Variants in KCNMA1 observed in about 807,000 individuals in gnomAD.
KCNMA1 encodes potassium calcium-activated channel subfamily M alpha 1, also known as Calcium-activated potassium channel subunit alpha-1.
In KCNMA1, 29 loss-of-function variants were observed where a neutral mutation model predicts 140.0. The observed-to-expected ratio is 0.21, with a 90% confidence interval of 0.15 to 0.28. The LOEUF (loss-of-function observed/expected upper bound fraction) is 0.28, where lower values mean the gene tolerates loss of function less well. Among genes scored for constraint, KCNMA1 ranks in the 10% least tolerant of loss-of-function variants. KCNMA1 has a pLI of 1.00. For synonymous variants in KCNMA1, 612 were observed against 611.9 expected (o/e 1.00, Z 0.00); for missense variants, 880 against 1,602.2 (o/e 0.55, Z 7.70).
chr10:77,078,673 G>A (rs921309939), intron 13 of KCNMA1, among the ~76,000 whole-genome samples: 1 of 152,184 alleles, frequency 6.6e-6, no homozygotes, highest in Admixed American at 6.5e-5. Context: ...TCACTTGCCT[G>A]GAGCATTCTA....
intron 14 of KCNMA1, among the ~76,000 whole-genome samples, chr10:77,049,170 C>G (rs1040183598): frequency 2.6e-5 from 4 of 152,196 alleles, no homozygotes; most frequent in Non-Finnish European, 5.9e-5. Context: ...CCTGAAATCT[C>G]TGTTTCCCTT....
At chr10:77,637,178 G>T in intron 1 of KCNMA1, 87 bp downstream of exon 1, 1 of 1,322,346 alleles carries the variant, frequency 7.6e-7, no homozygotes, top group Non-Finnish European at 1.0e-6. Context: ...GAGGCACGGC[G>T]CGGCGCGGAG....
At chr10:77,385,645 A>C (rs1175818408) in intron 2 of KCNMA1, among the ~76,000 whole-genome samples, 1 of 152,216 alleles carries the variant, frequency 6.6e-6, no homozygotes, top group Non-Finnish European at 1.5e-5. Context: ...ATGGATTCAG[A>C]GGAGGAAACA....
rs143535219 is a variant in KCNMA1 at position 77,180,698 on chromosome 10, A to G, written c.808+2723T>C. Among the ~76,000 whole-genome samples the G allele has an allele frequency of 1.7e-3, 254 of 152,256 alleles. No homozygotes were observed. In the Middle Eastern group the frequency reaches 0.02, roughly 12 times the overall value. ...ATTTCTTCACTGTTGTTTCCCAATC[A>G]TCTGGAATGGTACCTGACATATAGT... On this transcript the variant is annotated intron_variant, in intron 5 of 27. Transcript: ENST00000286628.
At chr10:77,172,257 G>A (rs2098714626) in intron 5 of KCNMA1, among the ~76,000 whole-genome samples, 1 of 152,176 alleles carries the variant, frequency 6.6e-6, no homozygotes, top group African/African-American at 2.4e-5. Context: ...ATGAAGTACA[G>A]CCATCTGGAG....
At chr10:76,921,197 G>A (rs2055626558) in intron 23 of KCNMA1, among the ~76,000 whole-genome samples, 1 of 152,168 alleles carries the variant, frequency 6.6e-6, no homozygotes, top group African/African-American at 2.4e-5. Context: ...AAATCCATAT[G>A]CTACGTTAAA....
At chr10:77,344,293 CA>C (rs767719643) in intron 2 of KCNMA1, among the ~76,000 whole-genome samples, 1 of 152,156 alleles carries the variant, frequency 6.6e-6, no homozygotes, top group East Asian at 1.9e-4. Flanking sequence ...CATCGACAAG[CA>C]GGGAGTTAAT....
chr10:77,554,300 A>G (rs1002018626), intron 1 of KCNMA1, among the ~76,000 whole-genome samples: 2 of 152,158 alleles, frequency 1.3e-5, no homozygotes, highest in African/African-American at 2.4e-5. Flanking sequence ...GAAGAGTCCA[A>G]AGAAATTACT....
At position 76,887,255 on chromosome 10, in the gene KCNMA1, G is replaced by T. The variant is rs754143823; in HGVS notation, c.*11C>A. The stretch of plus-strand genomic sequence containing the variant: ...AGATACAGTTTCACACAGTGGCGGT[G>T]GATACACATATCAAAGCCGCTCTTC... On this transcript the variant is annotated 3_prime_UTR_variant, in exon 28 of 28. Coordinates refer to ENST00000286628, the MANE Select transcript of KCNMA1 (RefSeq NM_001161352.2). 5 of 1,613,968 alleles carry T rather than the reference G, an allele frequency of 3.1e-6. No individual in the cohort carries two copies. The highest frequency in any genetic ancestry group is 4.2e-6 in the Non-Finnish European group (5 of 1,179,980).
At chr10:77,279,586 G>A (rs748936210) in intron 2 of KCNMA1, among the ~76,000 whole-genome samples, 4 of 152,188 alleles carry the variant, frequency 2.6e-5, no homozygotes, top group African/African-American at 7.2e-5. Flanking sequence ...AGGGTGTGAT[G>A]ATTTTAAGAA....
At chr10:77,577,101 T>C (rs1343019030) in intron 1 of KCNMA1, among the ~76,000 whole-genome samples, 2 of 145,488 alleles carry the variant, frequency 1.4e-5, no homozygotes, top group African/African-American at 2.4e-5. Context: ...CACACTCTCT[T>C]TTTTTTTCTT....
intron 2 of KCNMA1, among the ~76,000 whole-genome samples, chr10:77,278,680 A>G (rs568470852): frequency 6.6e-6 from 1 of 152,362 alleles, no homozygotes; most frequent in Non-Finnish European, 1.5e-5. Context: ...ATTAAAGCAA[A>G]GTATATAGGA....
intron 2 of KCNMA1, among the ~76,000 whole-genome samples, chr10:77,368,519 T>C (rs1566321217): frequency 6.6e-6 from 1 of 152,248 alleles, no homozygotes; most frequent in Non-Finnish European, 1.5e-5. Context: ...AATAGTATCT[T>C]TCACAGAATA....
intron 2 of KCNMA1, chr10:77,373,050 T>C (rs114382928): frequency 1.3e-5 from 2 of 152,340 alleles, no homozygotes; most frequent in African/African-American, 4.8e-5. Flanking sequence ...AATACAAATG[T>C]TTTCTGTTCA....
At chr10:77,621,297 C>T (rs1167703868) in intron 1 of KCNMA1, among the ~76,000 whole-genome samples, 1 of 152,158 alleles carries the variant, frequency 6.6e-6, no homozygotes, top group Non-Finnish European at 1.5e-5. Flanking sequence ...TTTAACAGAC[C>T]TGGAATTTGG....
At chr10:76,895,600 T>C (rs2042129579) in intron 25 of KCNMA1, among the ~76,000 whole-genome samples, 1 of 152,172 alleles carries the variant, frequency 6.6e-6, no homozygotes, top group South Asian at 2.1e-4. Flanking sequence ...GAGTATTATT[T>C]GGCCGTAAAA....
At chr10:76,895,291 T>C (rs1260886665) in intron 25 of KCNMA1, among the ~76,000 whole-genome samples, 1 of 152,184 alleles carries the variant, frequency 6.6e-6, no homozygotes, top group African/African-American at 2.4e-5. Flanking sequence ...GCTGGCCGAA[T>C]AAACCTCTTC....
intron 2 of KCNMA1, among the ~76,000 whole-genome samples, chr10:77,314,498 C>T (rs182232405): frequency 1.8e-4 from 28 of 152,304 alleles, no homozygotes; most frequent in Admixed American, 1.4e-3. Flanking sequence ...ATGTCAATTG[C>T]GCCCCTGCTG....
chr10:76,908,937 G>A (rs1349236433), intron 25 of KCNMA1, among the ~76,000 whole-genome samples: 2 of 152,218 alleles, frequency 1.3e-5, no homozygotes, highest in African/African-American at 2.4e-5. Context: ...GCTCCATAAT[G>A]TTGGGACCCA....
Sources: allele counts gnomAD v4.1 joint callset (sites outside exome capture counted in the v4.1 genomes callset), GRCh38; gene constraint gnomAD v4.1.1; transcripts MANE v1.5; gene names NCBI Gene and HGNC (gene_info 2026-07-23, HGNC 2026-07-21).